The following GLDC variants were observed in gnomAD, a reference collection of about 807,000 sequenced individuals.
GLDC encodes glycine decarboxylase.
In GLDC, 104 loss-of-function variants were observed where a neutral mutation model predicts 121.3. The ratio of observed to expected loss-of-function variants is 0.86; its 90% CI spans 0.73 to 1.01. The LOEUF (loss-of-function observed/expected upper bound fraction) is 1.01. GLDC is among the 50% of genes least tolerant of loss of function. GLDC has a pLI of 0.00. For missense variants in GLDC, 1,429 were observed against 1,306.6 expected (o/e 1.09, Z -1.44); for synonymous variants, 546 against 480.6 (o/e 1.14, Z -1.78).
At chr9:6,616,457 T>C (rs1179724315) in intron 3 of GLDC, among the ~76,000 whole-genome samples, 1 of 152,206 alleles carries the variant, frequency 6.6e-6, no homozygotes, top group Non-Finnish European at 1.5e-5. Flanking sequence ...CTAGAGGTTT[T>C]TGGCACTACT....
At chr9:6,639,049 A>T in intron 2 of GLDC, 1 of 624,518 alleles carries the variant, frequency 1.6e-6, no homozygotes, top group East Asian at 2.8e-5. Context: ...GTCTTTCAAT[A>T]GTAGTCAGTA....
chr9:6,637,906 C>G (rs1349813118), intron 2 of GLDC, among the ~76,000 whole-genome samples: 2 of 149,366 alleles, frequency 1.3e-5, no homozygotes, highest in Non-Finnish European at 3.0e-5. Flanking sequence ...CCAGGCTGGT[C>G]TTGAACTACT....
At chr9:6,562,698 T>A (rs896686952) in intron 16 of GLDC, among the ~76,000 whole-genome samples, 3 of 151,748 alleles carry the variant, frequency 2.0e-5, no homozygotes, top group African/African-American at 7.3e-5. Context: ...GTAGCTGGGA[T>A]CACAGGCGTG....
intron 2 of GLDC, among the ~76,000 whole-genome samples, chr9:6,624,798 G>C (rs1402520217): frequency 6.6e-6 from 1 of 152,042 alleles, no homozygotes; most frequent in Non-Finnish European, 1.5e-5. Flanking sequence ...GACCAGCCTG[G>C]CCAACATGGT....
chr9:6,639,489 T>A, intron 2 of GLDC: 1 of 876,764 alleles, frequency 1.1e-6, no homozygotes, highest in Non-Finnish European at 1.9e-6. Flanking sequence ...GAAGAAGCTC[T>A]ATGACAATGA....
intron 4 of GLDC, among the ~76,000 whole-genome samples, chr9:6,607,954 C>G (rs1282125910): frequency 6.6e-6 from 1 of 151,946 alleles, no homozygotes; most frequent in African/African-American, 2.4e-5. Context: ...AAAACCCTAT[C>G]TCTACAAAAA....
chr9:6,580,192 A>T (rs1291333329), intron 15 of GLDC, among the ~76,000 whole-genome samples: 2 of 152,166 alleles, frequency 1.3e-5, no homozygotes, highest in African/African-American at 2.4e-5. Context: ...CAGGCCCCAA[A>T]GAACTCTTAC....
intron 21 of GLDC, among the ~76,000 whole-genome samples, chr9:6,545,821 A>T (rs1463772894): frequency 1.3e-5 from 2 of 151,992 alleles, no homozygotes; most frequent in Non-Finnish European, 2.9e-5. Context: ...TTGTATTTTT[A>T]GTAGAGACGG....
rs117035473 is a variant in GLDC, at chr9:6,614,060, A to C, written c.471-3704T>G. On this transcript the variant is annotated intron_variant, in intron 3 of 24. Transcript: ENST00000321612. ...CCAAAGTGCTGGGATTACAGGCGTGAGTCATGTGTAATTATCACGCCCACC... is the reference window on the plus strand; with the variant it reads ...CCAAAGTGCTGGGATTACAGGCGTGCGTCATGTGTAATTATCACGCCCACC... Among the ~76,000 whole-genome samples, 435 of 152,060 alleles carry C rather than the reference A, an allele frequency of 2.9e-3. 9 individuals carry two copies. The East Asian group carries it at 0.041, about 14-fold the overall frequency.
chr9:6,611,374 G>A (rs778225419), intron 3 of GLDC, among the ~76,000 whole-genome samples: 27 of 152,182 alleles, frequency 1.8e-4, no homozygotes, highest in African/African-American at 4.3e-4. Flanking sequence ...TGGCTAACAT[G>A]GTGAAACCCG....
chr9:6,630,556 C>G (rs1186416744), intron 2 of GLDC, among the ~76,000 whole-genome samples: 6 of 152,148 alleles, frequency 3.9e-5, no homozygotes, highest in African/African-American at 1.4e-4. Context: ...TGAATTTGCC[C>G]AATGTCACCA....
chr9:6,628,816 T>C (rs1390463703), intron 2 of GLDC, among the ~76,000 whole-genome samples: 3 of 152,232 alleles, frequency 2.0e-5, no homozygotes, highest in Non-Finnish European at 2.9e-5. Flanking sequence ...AGCCAGCAGC[T>C]GTGCATTATT....
chr9:6,543,899 G>T (rs925711885), intron 21 of GLDC, among the ~76,000 whole-genome samples: 1 of 151,466 alleles, frequency 6.6e-6, no homozygotes, highest in African/African-American at 2.4e-5. Flanking sequence ...AGGAGGGGGG[G>T]GGATGAAGGA....
chr9:6,592,864 A>G lies in GLDC; in HGVS notation c.1388T>C (p.Phe463Ser), dbSNP rs1818403390. ...AATTTGACTTACTGTGCCATCCTCAAAAAGCCGAAAATTGATCTGCCGCTG... is the reference window on the plus strand; with the variant it reads ...AATTTGACTTACTGTGCCATCCTCAGAAAGCCGAAAATTGATCTGCCGCTG... ...AAQRQINFRL[F>S]EDGTLGISLD... The change falls in exon 10 of 25, where the codon TTT becomes TCT. Residue 463 changes from phenylalanine (F) to serine (S), a missense_variant. Coordinates refer to ENST00000321612, the MANE Select transcript of GLDC (RefSeq NM_000170.3). 6.2e-7 allele frequency: 1 copy of G among 1,613,482 alleles called. No individual in the cohort carries two copies. Among genetic ancestry groups the G allele is most frequent in the South Asian group, 1.1e-5 (1 of 91,066 alleles).
rs1448881116 is a variant in GLDC at position 6,540,253 on chromosome 9, T to C, written c.2570-107A>G. On this transcript the variant is annotated intron_variant, in intron 21 of 24. Transcript: ENST00000321612. ...TAAGTGCATCAGCTTTTTATGTGTA[T>C]CAGCGAGGACCAAGAAGCCATGGGC... 5 of 786,414 alleles carry C rather than the reference T, an allele frequency of 6.4e-6. No homozygotes were observed. In the East Asian group the frequency reaches 1.3e-4, roughly 21 times the overall value. 48.7% of individuals were successfully genotyped at this position (786,414 alleles called of 1,614,324 possible). A position where few individuals can be genotyped will look rare whatever the true frequency, so the allele number is the denominator to read the frequency against.
chr9:6,617,875 G>C (rs1426451459), intron 3 of GLDC, among the ~76,000 whole-genome samples: 2 of 152,194 alleles, frequency 1.3e-5, no homozygotes, highest in East Asian at 1.9e-4. Context: ...AAAAGCTCCT[G>C]TTGGTACAAC....
chr9:6,574,873 G>A (rs749129296), intron 15 of GLDC, among the ~76,000 whole-genome samples: 1 of 152,068 alleles, frequency 6.6e-6, no homozygotes, highest in South Asian at 2.1e-4. Context: ...GGAGGGGAGG[G>A]AGACGGCAAA....
At chr9:6,614,261 G>T (rs112511855) in intron 3 of GLDC, among the ~76,000 whole-genome samples, 20 of 152,184 alleles carry the variant, frequency 1.3e-4, no homozygotes, top group African/African-American at 4.8e-4. Context: ...TTGAGACAGA[G>T]TCTTGCTCTG....
At chr9:6,538,613 T>G (rs567486480) in intron 22 of GLDC, among the ~76,000 whole-genome samples, 7 of 152,346 alleles carry the variant, frequency 4.6e-5, no homozygotes, top group Admixed American at 4.6e-4. Flanking sequence ...TTTGGACAAG[T>G]GTGGAAACGG....
Sources: gnomAD v4.1 joint callset for allele counts (sites outside exome capture counted in the v4.1 genomes callset) on GRCh38, gnomAD v4.1.1 for gene constraint, MANE v1.5 for transcripts, NCBI Gene and HGNC (gene_info 2026-07-23, HGNC 2026-07-21) for gene names.